The following NAV2 variants were observed in gnomAD, a reference collection of about 807,000 sequenced individuals.
NAV2 encodes the protein neuron navigator 2.
In NAV2, 54 loss-of-function variants were observed where a neutral mutation model predicts 223.2. The observed-to-expected ratio is 0.24, with a 90% CI of 0.19 to 0.30. The LOEUF (loss-of-function observed/expected upper bound fraction) is 0.30, where lower values mean the gene tolerates loss of function less well. NAV2 is among the 10% of genes least tolerant of loss of function. The pLI, the probability that NAV2 is intolerant of heterozygous loss-of-function variation, is 1.00. For missense variants in NAV2, 2,806 were observed against 3,147.5 expected (o/e 0.89, Z 2.60); for synonymous variants, 1,279 against 1,239.3 (o/e 1.03, Z -0.67).
chr11:19,716,876 T>C lies in NAV2; in HGVS notation c.267+2914T>C, dbSNP rs191003052. Among the ~76,000 whole-genome samples, 13 of 152,356 alleles carry C rather than the reference T, an allele frequency of 8.5e-5. No homozygotes were observed. The East Asian group carries it at 2.5e-3, about 29-fold the overall frequency. On this transcript the variant is annotated intron_variant, in intron 1 of 37. Transcript: ENST00000349880. Reference sequence around the variant, plus strand: ...TTACATTAAAAACTAATTTTATTCTTATTACAATCAAATGAGATAAATGTT... The same window carrying C: ...TTACATTAAAAACTAATTTTATTCTCATTACAATCAAATGAGATAAATGTT...
intron 1 of NAV2, among the ~76,000 whole-genome samples, chr11:19,466,670 C>T (rs1189588232): frequency 2.0e-5 from 3 of 152,142 alleles, no homozygotes; most frequent in Non-Finnish European, 4.4e-5. Context: ...TCTGAAGAAG[C>T]CACGGGATGA....
At chr11:19,906,010 G>A (rs774047441) in intron 6 of NAV2, among the ~76,000 whole-genome samples, 10 of 152,020 alleles carry the variant, frequency 6.6e-5, no homozygotes, top group African/African-American at 9.7e-5. Flanking sequence ...TCATAGCCAC[G>A]TATGATTTCT....
chr11:19,441,740 T>G (rs1350709263), intron 1 of NAV2, among the ~76,000 whole-genome samples: 1 of 152,100 alleles, frequency 6.6e-6, no homozygotes, highest in Non-Finnish European at 1.5e-5. Context: ...CAGCAGACAA[T>G]TTATCGGAGC....
chr11:19,358,923 A>C (rs1430929298), intron 1 of NAV2, among the ~76,000 whole-genome samples: 1 of 152,256 alleles, frequency 6.6e-6, no homozygotes, highest in East Asian at 1.9e-4. Flanking sequence ...TGCACCTCAC[A>C]TGTGTAAATC....
At chr11:19,528,387 A>G (rs1906217) in intron 1 of NAV2, among the ~76,000 whole-genome samples, 72,103 of 151,918 alleles carry the variant, frequency 0.47, 18,144 homozygotes, top group African/African-American at 0.65. Context: ...CACTGCTGAG[A>G]GAACAGTGCG....
chr11:20,015,657 G>T (rs1331725900), intron 11 of NAV2, among the ~76,000 whole-genome samples: 2 of 152,142 alleles, frequency 1.3e-5, no homozygotes, highest in South Asian at 4.1e-4. Flanking sequence ...GGTAGAGAGA[G>T]ACATCTTCTC....
chr11:20,072,375 C>T lies in NAV2; in HGVS notation c.4983+3977C>T, dbSNP rs556074712. ...ATAGTTTGAAGTCAGTGTGATGTCT[C>T]CAGCTTTGTTCTTTTTGCTTAAGAT... On this transcript the variant is annotated intron_variant, in intron 22 of 37. Coordinates refer to ENST00000349880, the MANE Select transcript of NAV2 (RefSeq NM_145117.5). Among the ~76,000 whole-genome samples the T allele has an allele frequency of 3.4e-3, 517 of 152,220 alleles. 4 individuals are homozygous for T. The highest frequency in any genetic ancestry group is 5.4e-3 in the Non-Finnish European group (367 of 68,016).
intron 1 of NAV2, among the ~76,000 whole-genome samples, chr11:19,483,911 T>C (rs1312965428): frequency 6.6e-6 from 1 of 152,132 alleles, no homozygotes; most frequent in East Asian, 1.9e-4. Context: ...AGAGCCAGAA[T>C]GAAAACAAAG....
chr11:20,112,813 A>G (rs2062752010), intron 36 of NAV2, among the ~76,000 whole-genome samples: 1 of 152,090 alleles, frequency 6.6e-6, no homozygotes, highest in South Asian at 2.1e-4. Context: ...CTGGTAAATG[A>G]GGGGGTGGGG....
intron 4 of NAV2, among the ~76,000 whole-genome samples, chr11:19,869,734 G>T (rs1226489962): frequency 6.6e-6 from 1 of 152,198 alleles, no homozygotes; most frequent in Non-Finnish European, 1.5e-5. Context: ...CCCAGAACAG[G>T]TAAAGCAGTT....
chr11:19,425,518 G>T (rs1281248059), intron 1 of NAV2, among the ~76,000 whole-genome samples: 1 of 152,180 alleles, frequency 6.6e-6, no homozygotes, highest in Non-Finnish European at 1.5e-5. Flanking sequence ...GAGACCTAGA[G>T]AATTAGAGGG....
intron 1 of NAV2, among the ~76,000 whole-genome samples, chr11:19,431,852 A>G (rs1176356194): frequency 2.0e-5 from 3 of 152,260 alleles, no homozygotes; most frequent in East Asian, 1.9e-4. Context: ...GGATTTTGCC[A>G]TAACACACAT....
intron 1 of NAV2, among the ~76,000 whole-genome samples, chr11:19,639,188 G>GTT: frequency 6.6e-6 from 1 of 152,150 alleles, no homozygotes; most frequent in Non-Finnish European, 1.5e-5. Flanking sequence ...TGCCTAAAAT[G>GTT]TTTGCTCAAA....
chr11:19,550,743 C>G (rs1165008275), intron 1 of NAV2, among the ~76,000 whole-genome samples: 1 of 152,188 alleles, frequency 6.6e-6, no homozygotes, highest in African/African-American at 2.4e-5. Flanking sequence ...TGAGATGGGG[C>G]TCGGACACTG....
chr11:20,044,101 C>G lies in NAV2; in HGVS notation c.3028C>G (p.Arg1010Gly), dbSNP rs199543112. Residue 1010 changes from arginine to glycine, a missense_variant, in exon 13 of 38, where the codon CGG becomes GGG. Arg to Gly is a moderately radical substitution (Grantham distance 125). Coordinates refer to ENST00000349880, the MANE Select transcript of NAV2 (RefSeq NM_145117.5). Reference sequence around the variant, plus strand: ...AATGGAGCCAGGTTCCAAGTGGAGGCGGAATCCTTCTGATGTGTCTGACGA... The same window carrying G: ...AATGGAGCCAGGTTCCAAGTGGAGGGGGAATCCTTCTGATGTGTCTGACGA... ...IKMEPGSKWR[R>G]NPSDVSDESD... The G allele has an allele frequency of 5.6e-6, 9 of 1,614,204 alleles. No homozygotes were observed. The highest frequency in any genetic ancestry group is 7.6e-6 in the Non-Finnish European group (9 of 1,180,034).
intron 2 of NAV2, among the ~76,000 whole-genome samples, chr11:19,839,166 C>G (rs2060385367): frequency 6.6e-6 from 1 of 152,158 alleles, no homozygotes; most frequent in Admixed American, 6.5e-5. Flanking sequence ...CCCAAGTTGG[C>G]TGTTGCCTGC....
chr11:19,385,542 A>G (rs80304952), intron 1 of NAV2, among the ~76,000 whole-genome samples: 6,604 of 152,236 alleles, frequency 0.043, 480 homozygotes, highest in African/African-American at 0.15. Flanking sequence ...TTTTTGCACC[A>G]AAGATTGAAG....
At chr11:19,419,599 C>A (rs1288633023) in intron 1 of NAV2, among the ~76,000 whole-genome samples, 1 of 152,166 alleles carries the variant, frequency 6.6e-6, no homozygotes, top group African/African-American at 2.4e-5. Context: ...ATTCCAAATT[C>A]TTTTCATTTC....
At chr11:19,811,031 ATT>A (rs2058810231) in intron 1 of NAV2, among the ~76,000 whole-genome samples, 1 of 152,196 alleles carries the variant, frequency 6.6e-6, no homozygotes, top group Admixed American at 6.5e-5. Context: ...TTTATTAAAT[ATT>A]TGTTGAATGA....
Sources: gnomAD v4.1 joint callset for allele counts (sites outside exome capture counted in the v4.1 genomes callset) on GRCh38, gnomAD v4.1.1 for gene constraint, MANE v1.5 for transcripts, NCBI Gene and HGNC (gene_info 2026-07-23, HGNC 2026-07-21) for gene names.